The following NBAS variants were observed in gnomAD, a reference collection of about 807,000 sequenced individuals.
NBAS encodes the protein NBAS subunit of NRZ tethering complex, also known as NAG/BC035112 fusion.
NBAS carries 219 observed loss-of-function variants against 302.5 expected under a neutral mutation model. The observed-to-expected ratio is 0.72, with a 90% CI of 0.65 to 0.81. The LOEUF is 0.81. NBAS is among the 30% of genes least tolerant of loss of function. NBAS has a pLI of 0.00. For missense variants in NBAS, 2,932 were observed against 2,841.6 expected (o/e 1.03, Z -0.72); for synonymous variants, 1,118 against 1,021.6 (o/e 1.09, Z -1.80).
chr2:15,009,061 C>T, the NBAS span, among the ~76,000 whole-genome samples: 14 of 152,202 alleles, frequency 9.2e-5, no homozygotes, highest in Non-Finnish European at 1.6e-4. Context: ...GTCCAATGCT[C>T]TCCTTAATGC....
At chr2:15,070,972 C>G in the NBAS span, among the ~76,000 whole-genome samples, 1 of 152,084 alleles carries the variant, frequency 6.6e-6, no homozygotes, top group Non-Finnish European at 1.5e-5. Flanking sequence ...GAAACTGAGA[C>G]CCAGAGAGGA....
intron 21 of NBAS, among the ~76,000 whole-genome samples, chr2:15,446,910 A>G (rs1252365301): frequency 6.6e-6 from 1 of 151,890 alleles, no homozygotes; most frequent in Non-Finnish European, 1.5e-5. Flanking sequence ...ACAAGAAAGT[A>G]TAACTAACAA....
intron 9 of NBAS, among the ~76,000 whole-genome samples, chr2:15,519,479 C>T (rs1429766876): frequency 1.1e-5 from 1 of 89,788 alleles, no homozygotes; most frequent in Non-Finnish European, 2.8e-5. Flanking sequence ...CTCTGTCACC[C>T]AAGCTGGAGT....
At chr2:15,080,496 T>C in the NBAS span, among the ~76,000 whole-genome samples, 4 of 152,228 alleles carry the variant, frequency 2.6e-5, no homozygotes, top group Non-Finnish European at 4.4e-5. Context: ...GGTTATCTAT[T>C]ACTGAATAAC....
chr2:15,230,393 CAA>C (rs35319491), intron 47 of NBAS, among the ~76,000 whole-genome samples: 1,123 of 90,514 alleles, frequency 0.012, 17 homozygotes, highest in African/African-American at 0.034. Context: ...ATTTTTTAGG[CAA>C]AAAAAAAAAA....
At chr2:15,402,063 C>A in intron 26 of NBAS, 105 bp downstream of exon 26, 1 of 1,261,620 alleles carries the variant, frequency 7.9e-7, no homozygotes, top group Admixed American at 1.8e-5. Flanking sequence ...ATGTTTTTTT[C>A]ACATTCCCAA....
chr2:15,345,909 G>T (rs952581865), intron 35 of NBAS, among the ~76,000 whole-genome samples: 6 of 152,116 alleles, frequency 3.9e-5, no homozygotes, highest in African/African-American at 1.4e-4. Flanking sequence ...ATGGGGAAAG[G>T]ATTTCCTATT....
chr2:15,168,795 AAT>A (rs1222367188), intron 51 of NBAS, among the ~76,000 whole-genome samples: 1 of 152,044 alleles, frequency 6.6e-6, no homozygotes, highest in African/African-American at 2.4e-5. Context: ...ACGCCTGGCT[AAT>A]TTTTTGTATT....
At chr2:15,517,587 A>C (rs1346357158) in intron 9 of NBAS, among the ~76,000 whole-genome samples, 1 of 152,192 alleles carries the variant, frequency 6.6e-6, no homozygotes, top group African/African-American at 2.4e-5. Context: ...AGACACATTT[A>C]ATATTTGTTA....
chr2:15,107,039 G>A, the NBAS span, among the ~76,000 whole-genome samples: 3 of 152,070 alleles, frequency 2.0e-5, no homozygotes, highest in Non-Finnish European at 4.4e-5. Flanking sequence ...CTTGCAAGCA[G>A]GGCAGCCTTC....
At chr2:14,965,228 A>G in the NBAS span, among the ~76,000 whole-genome samples, 3 of 152,154 alleles carry the variant, frequency 2.0e-5, no homozygotes, top group South Asian at 4.1e-4. Flanking sequence ...TAGTAAGTAA[A>G]GCCAATCAAC....
At chr2:15,417,856 G>T in intron 23 of NBAS, 144 bp from the exon 24 acceptor site, 2 of 757,446 alleles carry the variant, frequency 2.6e-6, no homozygotes, top group Non-Finnish European at 2.1e-6. Flanking sequence ...TTTATTTACT[G>T]CAAAAACATC....
chr2:15,221,966 C>T (rs928093500), intron 47 of NBAS, among the ~76,000 whole-genome samples: 4 of 152,324 alleles, frequency 2.6e-5, no homozygotes, highest in African/African-American at 9.6e-5. Context: ...AACAATGTAA[C>T]TCTGACCAAG....
chr2:14,985,977 A>G, the NBAS span, among the ~76,000 whole-genome samples: 3 of 152,178 alleles, frequency 2.0e-5, no homozygotes. Context: ...GGCATTCTCT[A>G]GGTAGAGATC....
intron 47 of NBAS, among the ~76,000 whole-genome samples, chr2:15,223,387 G>C (rs1667031959): frequency 6.6e-6 from 1 of 151,020 alleles, no homozygotes; most frequent in South Asian, 2.1e-4. Flanking sequence ...AAGATTAACA[G>C]GTAAAAAACC....
At chr2:15,081,345 G>A in the NBAS span, among the ~76,000 whole-genome samples, 6 of 152,076 alleles carry the variant, frequency 3.9e-5, no homozygotes, top group Admixed American at 2.6e-4. Context: ...AAGACGGTGT[G>A]CTCAGGAGAA....
rs1667507456 is a variant in NBAS, at chr2:15,234,526, T to A, written c.6146+19A>T. The A allele has an allele frequency of 6.2e-7, 1 of 1,611,902 alleles. No homozygotes were observed. ...AAGTGTCACCCCAGTTTTTCCACAA[T>A]GACCACTTTCTAGCTTACCTCAATG... On this transcript the variant is annotated intron_variant, in intron 46 of 51. Coordinates refer to ENST00000281513, the MANE Select transcript of NBAS (RefSeq NM_015909.4).
At chr2:15,105,388 T>A in the NBAS span, among the ~76,000 whole-genome samples, 1 of 151,936 alleles carries the variant, frequency 6.6e-6, no homozygotes, top group African/African-American at 2.4e-5. Flanking sequence ...GCACATGTAT[T>A]CTAGAACTTA....
At chr2:15,237,613 T>C (rs1667656246) in intron 45 of NBAS, among the ~76,000 whole-genome samples, 2 of 149,314 alleles carry the variant, frequency 1.3e-5, no homozygotes, top group Admixed American at 1.3e-4. Flanking sequence ...TTTATTTATC[T>C]GAGACAGAGT....
Sources: gnomAD v4.1 joint callset for allele counts (sites outside exome capture counted in the v4.1 genomes callset) on GRCh38, gnomAD v4.1.1 for gene constraint, MANE v1.5 for transcripts, NCBI Gene and HGNC (gene_info 2026-07-23, HGNC 2026-07-21) for gene names.